TRPM8: variants seen among roughly 807,000 people sequenced by gnomAD.
The protein encoded by TRPM8 is transient receptor potential cation channel subfamily M member 8.
A neutral mutation model predicts 133.7 loss-of-function variants in TRPM8; 110 were observed. The ratio of observed to expected loss-of-function variants is 0.82; its 90% CI spans 0.70 to 0.96. TRPM8 has a LOEUF of 0.96. Among genes scored for constraint, TRPM8 ranks in the 40% least tolerant of loss-of-function variants. The pLI is 0.00. For missense variants in TRPM8, 1,291 were observed against 1,379.5 expected, an observed-to-expected ratio of 0.94 and a Z score of 1.02; for synonymous variants, 535 against 532.3, an observed-to-expected ratio of 1.01 and a Z score of -0.07.
At chr2:233,964,831 T>C (rs2125194976) in intron 14 of TRPM8, 74 bp downstream of exon 14, 4 of 1,467,922 alleles carry the variant, frequency 2.7e-6, no homozygotes, top group South Asian at 1.5e-5. Flanking sequence ...GCGGCACTCA[T>C]AGACCAGATG....
intron 1 of TRPM8, among the ~76,000 whole-genome samples, chr2:233,921,080 C>T (rs1188672577): frequency 6.6e-6 from 1 of 151,980 alleles, no homozygotes; most frequent in African/African-American, 2.4e-5. Context: ...AGGCTGGTCT[C>T]GAACTCCTGA....
chr2:233,972,358 T>G (rs1286816446), intron 17 of TRPM8, among the ~76,000 whole-genome samples: 1 of 152,250 alleles, frequency 6.6e-6, no homozygotes, highest in Non-Finnish European at 1.5e-5. Flanking sequence ...GGGCTAGACA[T>G]AAAGTTTCTC....
intron 9 of TRPM8, among the ~76,000 whole-genome samples, chr2:233,953,330 G>T (rs758579333): frequency 3.3e-5 from 5 of 152,206 alleles, no homozygotes; most frequent in Non-Finnish European, 4.4e-5. Flanking sequence ...TTGCTCCCTT[G>T]GCTAGAAGGG....
At chr2:234,008,229 A>G (rs1692744677) in intron 24 of TRPM8, 126 bp downstream of exon 24, 4 of 949,144 alleles carry the variant, frequency 4.2e-6, no homozygotes. Context: ...TTCACTGTCT[A>G]AGAGCAGGGT....
At chr2:233,921,582 C>T (rs1348464795) in intron 1 of TRPM8, among the ~76,000 whole-genome samples, 2 of 152,084 alleles carry the variant, frequency 1.3e-5, no homozygotes, top group East Asian at 3.9e-4. Flanking sequence ...AAGGGAGAAT[C>T]ATTTATACAG....
At chr2:233,941,642 G>T (rs1041578555) in intron 5 of TRPM8, among the ~76,000 whole-genome samples, 1 of 152,044 alleles carries the variant, frequency 6.6e-6, no homozygotes, top group Non-Finnish European at 1.5e-5. Context: ...ATTCCTACAT[G>T]GGCAACATAT....
intron 15 of TRPM8, among the ~76,000 whole-genome samples, chr2:233,967,045 C>T (rs1201001736): frequency 6.6e-6 from 1 of 152,184 alleles, no homozygotes; most frequent in African/African-American, 2.4e-5. Context: ...GGGTCTCCAT[C>T]CGCTGTACCC....
chr2:233,997,917 C>G (rs576777534), intron 22 of TRPM8, among the ~76,000 whole-genome samples: 1 of 152,200 alleles, frequency 6.6e-6, no homozygotes, highest in African/African-American at 2.4e-5. Context: ...GCATCCAGCT[C>G]TCTTCCTGGC....
At chr2:233,983,335 G>A (rs763200474) in intron 20 of TRPM8, 111 bp downstream of exon 20, 37 of 1,230,642 alleles carry the variant, frequency 3.0e-5, no homozygotes, top group Non-Finnish European at 3.7e-5. Flanking sequence ...GCGTGAAACG[G>A]AGTCCAACAT....
Position 233,970,150 on chromosome 2 carries a change from A to G in TRPM8, c.2139-60A>G, listed in dbSNP as rs113445051. 1.4e-3 allele frequency: 2,065 copies of G among 1,430,246 alleles called. 17 individuals are homozygous for G. In the African/African-American group the frequency reaches 0.019, roughly 13 times the overall value. 88.6% of individuals were successfully genotyped at this position (1,430,246 alleles called of 1,614,324 possible). On this transcript the variant is annotated intron_variant, in intron 16 of 25. Transcript: ENST00000324695. ...ATTTATCTATGTTTGGAAGGAGGGG[A>G]GGGCTGTGCCCGTCCCATGCTTGCA...
chr2:233,946,974 C>A, intron 7 of TRPM8, 114 bp from the exon 8 acceptor site: 2 of 839,590 alleles, frequency 2.4e-6, no homozygotes, highest in Admixed American at 2.3e-5. Context: ...AGATGTGAAG[C>A]TATCTCTCCA....
intron 22 of TRPM8, among the ~76,000 whole-genome samples, chr2:233,998,643 G>A (rs1167978850): frequency 1.3e-5 from 2 of 151,520 alleles, no homozygotes; most frequent in East Asian, 1.9e-4. Flanking sequence ...CATCCAGTTA[G>A]GGTGAGCCGC....
At chr2:233,978,081 C>CT (rs540222140) in intron 17 of TRPM8, among the ~76,000 whole-genome samples, 19,499 of 126,832 alleles carry the variant, frequency 0.15, 1,412 homozygotes, top group East Asian at 0.27. Context: ...TTACAATTTG[C>CT]TTTTTTTTTT....
chr2:234,010,374 A>G (rs868282359), intron 24 of TRPM8, among the ~76,000 whole-genome samples: 1 of 152,210 alleles, frequency 6.6e-6, no homozygotes, highest in South Asian at 2.1e-4. Flanking sequence ...TTCTTTATCC[A>G]TTGATCTCTT....
rs1240194227 is a variant in TRPM8, at chr2:233,960,909, A to T, written c.1496A>T (p.Asn499Ile). 1.9e-6 allele frequency: 3 copies of T among 1,614,188 alleles called. No individual in the cohort carries two copies. The East Asian group carries it at 6.7e-5, about 36-fold the overall frequency. ...THDVLTELFS[N>I]HFSTLVYRNL... is the part of the protein sequence containing the mutation. ...GATGTCCTCACTGAACTCTTCTCCA[A>T]CCACTTCAGCACGCTTGTGTACCGG... Residue 499 changes from asparagine (N) to isoleucine (I), a missense_variant, in exon 12 of 26, where the codon AAC (asparagine) becomes ATC (isoleucine). Asn to Ile is a moderately radical substitution (Grantham distance 149, BLOSUM62 -3). Around this residue, in one of 2 missense-constraint regions of TRPM8, gnomAD observed 963 missense variants for 968.9 expected, o/e 0.99. Coordinates refer to ENST00000324695, the MANE Select transcript of TRPM8 (RefSeq NM_024080.5).
chr2:233,963,315 G>A lies in TRPM8; in HGVS notation c.1687G>A (p.Ala563Thr). Residue 563 changes from alanine to threonine, a missense_variant, in exon 13 of 26, where the codon GCT becomes ACT. Physicochemically the swap from Ala to Thr is moderately conservative, Grantham distance 58. This residue lies in a region of TRPM8 where 963 missense variants were observed against 968.9 expected (regional missense o/e 0.99). Transcript: ENST00000324695. Reference sequence around the variant, plus strand: ...TCCTATTACTCGGCACCCCCTGCAAGCTCTCTTCATCTGGGCCATTCTTCA... The same window carrying A: ...TCCTATTACTCGGCACCCCCTGCAAACTCTCTTCATCTGGGCCATTCTTCA... The part of the protein sequence containing the change: ...VSPITRHPLQ[A>T]LFIWAILQNK... 4 of 1,613,444 alleles carry A rather than the reference G, an allele frequency of 2.5e-6. No individual in the cohort carries two copies. The highest frequency in any genetic ancestry group is 3.4e-6 in the Non-Finnish European group (4 of 1,179,722).
At chr2:233,926,675 GT>G in intron 2 of TRPM8, 21 bp downstream of exon 2, 1 of 1,570,226 alleles carries the variant, frequency 6.4e-7, no homozygotes, top group Non-Finnish European at 8.8e-7. Context: ...CGCATCACCT[GT>G]TTGAAAGGTT....
At chr2:234,005,044 A>G (rs1187785313) in intron 22 of TRPM8, among the ~76,000 whole-genome samples, 1 of 152,208 alleles carries the variant, frequency 6.6e-6, no homozygotes, top group African/African-American at 2.4e-5. Flanking sequence ...ATATAATGCT[A>G]TGTTAAAGAG....
intron 24 of TRPM8, among the ~76,000 whole-genome samples, chr2:234,010,384 T>G (rs1202246537): frequency 2.0e-5 from 3 of 152,256 alleles, no homozygotes; most frequent in African/African-American, 7.2e-5. Context: ...ATTGATCTCT[T>G]GATGGACATT....
Sources: gnomAD v4.1 joint callset for allele counts (sites outside exome capture counted in the v4.1 genomes callset) on GRCh38, gnomAD v4.1.1 for gene constraint, gnomAD v4.1.1 regional missense constraint, MANE v1.5 for transcripts, NCBI Gene and HGNC (gene_info 2026-07-23, HGNC 2026-07-21) for gene names.